The following SNTG1 variants were observed in gnomAD, a reference collection of about 807,000 sequenced individuals.
SNTG1 encodes gamma-1-syntrophin.
A neutral mutation model predicts 74.7 loss-of-function variants in SNTG1; 39 were observed. The ratio of observed to expected loss-of-function variants is 0.52; its 90% CI spans 0.40 to 0.68. The LOEUF (loss-of-function observed/expected upper bound fraction) is 0.68. Among genes scored for constraint, SNTG1 ranks in the 30% least tolerant of loss-of-function variants. The pLI, the probability that SNTG1 is intolerant of heterozygous loss-of-function variation, is 0.00. For synonymous variants in SNTG1, 254 were observed against 217.1 expected, an observed-to-expected ratio of 1.17 and a Z score of -1.49; for missense variants, 685 against 609.5, an observed-to-expected ratio of 1.12 and a Z score of -1.30.
At chr8:49,920,515 T>A (rs1402780804) in intron 1 of SNTG1, among the ~76,000 whole-genome samples, 1 of 152,062 alleles carries the variant, frequency 6.6e-6, no homozygotes, top group African/African-American at 2.4e-5. Context: ...TATTATAGGC[T>A]TGACTTGCTT....
chr8:50,018,470 C>G (rs1462274531), intron 1 of SNTG1, among the ~76,000 whole-genome samples: 4 of 151,932 alleles, frequency 2.6e-5, no homozygotes, highest in Non-Finnish European at 1.5e-5. Flanking sequence ...CTACCTCACA[C>G]CTTACTCAAA....
At chr8:50,688,216 C>T (rs1375833279) in intron 15 of SNTG1, among the ~76,000 whole-genome samples, 1 of 152,148 alleles carries the variant, frequency 6.6e-6, no homozygotes, top group Non-Finnish European at 1.5e-5. Flanking sequence ...TGCCTGTTCA[C>T]TCTGATGGTA....
At chr8:50,338,478 A>G (rs2091222063) in intron 2 of SNTG1, among the ~76,000 whole-genome samples, 1 of 152,222 alleles carries the variant, frequency 6.6e-6, no homozygotes, top group African/African-American at 2.4e-5. Context: ...GAATTAATGA[A>G]TTGGTAGTTT....
chr8:50,642,470 C>G (rs541745733), intron 13 of SNTG1, among the ~76,000 whole-genome samples: 4 of 152,182 alleles, frequency 2.6e-5, no homozygotes, highest in Non-Finnish European at 5.9e-5. Flanking sequence ...ATGTGTGCAA[C>G]TGAAGGCACA....
chr8:50,434,540 T>A (rs2093279878), intron 4 of SNTG1, among the ~76,000 whole-genome samples: 1 of 152,150 alleles, frequency 6.6e-6, no homozygotes, highest in Non-Finnish European at 1.5e-5. Context: ...CCACATCCTC[T>A]CCAGCACCTG....
intron 2 of SNTG1, among the ~76,000 whole-genome samples, chr8:50,229,136 G>A (rs2085486381): frequency 6.6e-6 from 1 of 151,280 alleles, no homozygotes; most frequent in Non-Finnish European, 1.5e-5. Context: ...AATGTATGGT[G>A]GATATGCTTG....
At chr8:50,631,468 T>A (rs1023325690) in intron 13 of SNTG1, among the ~76,000 whole-genome samples, 4 of 152,180 alleles carry the variant, frequency 2.6e-5, no homozygotes. Context: ...TCTTTTTATT[T>A]TTTTGGAATA....
intron 2 of SNTG1, among the ~76,000 whole-genome samples, chr8:50,357,195 G>A (rs1488261352): frequency 6.6e-6 from 1 of 152,074 alleles, no homozygotes; most frequent in African/African-American, 2.4e-5. Context: ...TCAGTCACCA[G>A]GGCTCTGCAA....
At chr8:50,491,963 C>A (rs1187237883) in intron 8 of SNTG1, among the ~76,000 whole-genome samples, 1 of 150,792 alleles carries the variant, frequency 6.6e-6, no homozygotes, top group African/African-American at 2.4e-5. Flanking sequence ...TCAACTCCCA[C>A]TTATGGGTAA....
intron 8 of SNTG1, among the ~76,000 whole-genome samples, chr8:50,463,581 C>T (rs2093585428): frequency 6.6e-6 from 1 of 152,128 alleles, no homozygotes; most frequent in South Asian, 2.1e-4. Context: ...AGCAGTACGT[C>T]TCAACAGTGA....
intron 4 of SNTG1, among the ~76,000 whole-genome samples, chr8:50,435,870 AT>A (rs1392075558): frequency 1.3e-5 from 2 of 152,096 alleles, no homozygotes; most frequent in Middle Eastern, 3.2e-3. Context: ...TTTGTATTTG[AT>A]TTGGAACATG....
Position 50,484,494 on chromosome 8 carries a change from C to A in SNTG1, c.364-18284C>A, listed in dbSNP as rs137911133. Among the ~76,000 whole-genome samples, 12 of 151,644 alleles carry A rather than the reference C, an allele frequency of 7.9e-5. No individual in the cohort carries two copies. In the East Asian group the frequency reaches 1.6e-3, roughly 20 times the overall value. On this transcript the variant is annotated intron_variant, in intron 8 of 18. Coordinates refer to ENST00000642720, the MANE Select transcript of SNTG1 (RefSeq NM_018967.5). ...CCTCCCAAAGCGCTGTGATTACAGG[C>A]GTGAGCCTCCATGCCCAACCTGGAT...
intron 18 of SNTG1, among the ~76,000 whole-genome samples, chr8:50,767,412 T>C (rs907631106): frequency 2.0e-5 from 3 of 152,092 alleles, no homozygotes; most frequent in South Asian, 4.1e-4. Flanking sequence ...TTGATCTATA[T>C]AAGACTAATG....
chr8:50,707,095 T>C (rs1267749522), intron 16 of SNTG1, among the ~76,000 whole-genome samples: 2 of 152,052 alleles, frequency 1.3e-5, no homozygotes, highest in African/African-American at 4.8e-5. Flanking sequence ...CTTGAGTCTG[T>C]ATATAAATTG....
At chr8:49,921,215 A>C (rs1585506519) in intron 1 of SNTG1, among the ~76,000 whole-genome samples, 1 of 152,094 alleles carries the variant, frequency 6.6e-6, no homozygotes, top group Non-Finnish European at 1.5e-5. Context: ...GTAAGAAAAA[A>C]ATAAGAGAAA....
In SNTG1 at chr8:50,194,426, C is replaced by G. The variant is rs142092967; in HGVS notation, c.-28+21791C>G. 6.8e-3 allele frequency among the ~76,000 whole-genome samples: 1,039 copies of G among 152,156 alleles called. 7 individuals carry two copies. The highest frequency in any genetic ancestry group is 8.4e-3 in the Non-Finnish European group (568 of 67,996). ...TTGTATTTTTCCAGGAATTACTCAT[C>G]TCTTCTAGATTTTCTAGTTTATGTG... On this transcript the variant is annotated intron_variant, in intron 2 of 18. Coordinates refer to ENST00000642720, the MANE Select transcript of SNTG1 (RefSeq NM_018967.5).
intron 13 of SNTG1, among the ~76,000 whole-genome samples, chr8:50,621,380 T>G (rs1332764205): frequency 1.3e-5 from 2 of 152,162 alleles, no homozygotes; most frequent in Non-Finnish European, 2.9e-5. Flanking sequence ...TCACAAGTCC[T>G]CCAACAACAG....
intron 8 of SNTG1, among the ~76,000 whole-genome samples, chr8:50,469,396 G>A (rs933830542): frequency 6.6e-6 from 1 of 152,084 alleles, no homozygotes; most frequent in African/African-American, 2.4e-5. Flanking sequence ...CCCCACCACG[G>A]TCAGGGTTCC....
chr8:50,450,032 A>C (rs2093441634), intron 6 of SNTG1, among the ~76,000 whole-genome samples: 2 of 152,234 alleles, frequency 1.3e-5, no homozygotes, highest in Non-Finnish European at 2.9e-5. Context: ...AATGATAACA[A>C]GTCCCATCAA....
Sources: allele counts gnomAD v4.1 joint callset (sites outside exome capture counted in the v4.1 genomes callset), GRCh38; gene constraint gnomAD v4.1.1; transcripts MANE v1.5; gene names NCBI Gene and HGNC (gene_info 2026-07-23, HGNC 2026-07-21).